Variants in ARHGEF28 observed in about 807,000 individuals in gnomAD.
ARHGEF28 encodes Rho guanine nucleotide exchange factor 28.
ARHGEF28 carries 152 observed loss-of-function variants against 206.6 expected under a neutral mutation model. The ratio of observed to expected loss-of-function variants is 0.74; its 90% confidence interval spans 0.64 to 0.84. The LOEUF (loss-of-function observed/expected upper bound fraction) is 0.84, where lower values mean the gene tolerates loss of function less well. Among genes scored for constraint, ARHGEF28 ranks in the 40% least tolerant of loss-of-function variants. The probability of loss-of-function intolerance (pLI) is 0.00; values close to 1 mark genes in which losing one functional copy is unlikely to be tolerated. For missense variants in ARHGEF28, 2,028 were observed against 2,073.2 expected (o/e 0.98, Z 0.42); for synonymous variants, 763 against 776.4 (o/e 0.98, Z 0.29).
chr5:73,664,498 T>C (rs1361759475), intron 1 of ARHGEF28, among the ~76,000 whole-genome samples: 1 of 152,136 alleles, frequency 6.6e-6, no homozygotes, highest in Non-Finnish European at 1.5e-5. Context: ...TCCTTATATG[T>C]AAAATGGGGA....
intron 1 of ARHGEF28, among the ~76,000 whole-genome samples, chr5:73,640,621 G>A (rs1196276878): frequency 6.6e-6 from 1 of 152,146 alleles, no homozygotes; most frequent in Non-Finnish European, 1.5e-5. Context: ...TTCTTACTTA[G>A]AGTCTCAAAA....
At chr5:73,653,558 T>C (rs1000687208) in intron 1 of ARHGEF28, among the ~76,000 whole-genome samples, 3 of 152,222 alleles carry the variant, frequency 2.0e-5, no homozygotes, top group Non-Finnish European at 4.4e-5. Flanking sequence ...GTCTCTCGTC[T>C]CAGCTTCTGC....
chr5:73,807,732 C>T (rs1561418783), intron 9 of ARHGEF28, among the ~76,000 whole-genome samples: 3 of 151,990 alleles, frequency 2.0e-5, no homozygotes, highest in South Asian at 2.1e-4. Flanking sequence ...GCAATCCACC[C>T]GCCTCAGCCT....
chr5:73,930,211 A>G (rs538251570), intron 35 of ARHGEF28, among the ~76,000 whole-genome samples: 1 of 152,206 alleles, frequency 6.6e-6, no homozygotes, highest in South Asian at 2.1e-4. Flanking sequence ...CAATATAACT[A>G]TCAGCAGCAA....
At position 73,719,849 on chromosome 5, in the gene ARHGEF28, T is replaced by C. The variant is rs1373893365; in HGVS notation, c.34-29988T>C. 2.0e-5 allele frequency among the ~76,000 whole-genome samples: 3 copies of C among 152,234 alleles called. No homozygotes were observed. In the East Asian group the frequency reaches 5.8e-4, roughly 29 times the overall value. ...AGGCAAGCCCTCGGTTGTGCCACTA[T>C]AATGGATTACTAGTGTAATCGAGGC... On this transcript the variant is annotated intron_variant, in intron 2 of 35. Transcript: ENST00000513042.
At chr5:73,912,148 C>G (rs1762944438) in intron 35 of ARHGEF28, among the ~76,000 whole-genome samples, 1 of 152,014 alleles carries the variant, frequency 6.6e-6, no homozygotes, top group African/African-American at 2.4e-5. Flanking sequence ...AAGCATTTGC[C>G]AAGTATAAAT....
intron 29 of ARHGEF28, among the ~76,000 whole-genome samples, chr5:73,895,170 A>G (rs1211190457): frequency 1.3e-5 from 2 of 152,102 alleles, no homozygotes; most frequent in African/African-American, 4.8e-5. Context: ...TGTGGTTTGA[A>G]AGGTACCTCC....
chr5:73,653,278 A>G (rs1237090858), intron 1 of ARHGEF28, among the ~76,000 whole-genome samples: 2 of 152,226 alleles, frequency 1.3e-5, no homozygotes, highest in Non-Finnish European at 2.9e-5. Flanking sequence ...TTCAGGTTAC[A>G]TATACAAAAT....
chr5:73,704,361 AC>A (rs1748800169), intron 2 of ARHGEF28, among the ~76,000 whole-genome samples: 1 of 152,208 alleles, frequency 6.6e-6, no homozygotes, highest in African/African-American at 2.4e-5. Flanking sequence ...TGCAAACATG[AC>A]CAGTGCAGAG....
At chr5:73,823,011 A>G (rs892432900) in intron 9 of ARHGEF28, among the ~76,000 whole-genome samples, 1 of 152,208 alleles carries the variant, frequency 6.6e-6, no homozygotes, top group African/African-American at 2.4e-5. Context: ...AGGACTTTCT[A>G]TAAACTTCAG....
chr5:73,780,605 TTTG>T, intron 6 of ARHGEF28, 68 bp from the exon 7 acceptor site: 1 of 1,458,210 alleles, frequency 6.9e-7, no homozygotes, highest in Non-Finnish European at 9.3e-7. Flanking sequence ...CTTTTGCCTC[TTTG>T]TTGTATATCT....
At chr5:73,684,910 G>A (rs775205434) in intron 2 of ARHGEF28, 26 bp downstream of exon 2, 3 of 1,609,706 alleles carry the variant, frequency 1.9e-6, no homozygotes, top group Middle Eastern at 1.7e-4. Context: ...CGGGGCTTCA[G>A]GTCCAAGGGG....
chr5:73,927,712 T>C (rs1260680882), intron 35 of ARHGEF28, among the ~76,000 whole-genome samples: 1 of 152,244 alleles, frequency 6.6e-6, no homozygotes, highest in African/African-American at 2.4e-5. Context: ...ATTTTTCTTC[T>C]GTTTTACAAA....
rs1762779166 is a variant in ARHGEF28 at position 73,909,818 on chromosome 5, C to T, written c.4568C>T (p.Ala1523Val). ...LVEREQARMR[A>V]QQSLLGHWKH... ...GAGAGGGAGCAGGCGAGGATGCGGG[C>T]CCAGCAGAGCCTGCTGGGCCACTGG... Residue 1523 changes from alanine to valine, a missense_variant, in exon 34 of 36, where the codon GCC (alanine) becomes GTC (valine). Physicochemically the swap from Ala to Val is moderately conservative, Grantham distance 64. This residue lies in a region of ARHGEF28 where 803 missense variants were observed against 768.0 expected (regional missense o/e 1.05). Coordinates refer to ENST00000513042, the MANE Select transcript of ARHGEF28 (RefSeq NM_001177693.2). The T allele has an allele frequency of 6.5e-7, 1 of 1,538,046 alleles. No individual in the cohort carries two copies. Among genetic ancestry groups the T allele is most frequent in the South Asian group, 1.2e-5 (1 of 80,846 alleles).
intron 9 of ARHGEF28, among the ~76,000 whole-genome samples, chr5:73,802,992 C>T (rs1040615247): frequency 6.6e-6 from 1 of 150,580 alleles, no homozygotes; most frequent in African/African-American, 2.5e-5. Flanking sequence ...AATTAAGATT[C>T]TGGTTAGCTT....
intron 30 of ARHGEF28, 144 bp downstream of exon 30, chr5:73,898,237 T>A: frequency 2.0e-6 from 2 of 986,228 alleles, no homozygotes; most frequent in Non-Finnish European, 2.9e-6. Flanking sequence ...TGAGAATAAA[T>A]ATGCTAGCCT....
At chr5:73,888,374 C>T (rs768201285) in intron 26 of ARHGEF28, among the ~76,000 whole-genome samples, 5 of 152,186 alleles carry the variant, frequency 3.3e-5, no homozygotes, top group Admixed American at 6.5e-5. Context: ...TCAATTTGAA[C>T]TGTATTACAA....
At chr5:73,708,114 A>T (rs6882528) in intron 2 of ARHGEF28, among the ~76,000 whole-genome samples, 43 of 151,794 alleles carry the variant, frequency 2.8e-4, no homozygotes, top group African/African-American at 9.9e-4. Context: ...ATATAGATTT[A>T]CCAACTAGAT....
At chr5:73,730,534 A>ATTTTTT (rs968990208) in intron 2 of ARHGEF28, among the ~76,000 whole-genome samples, 1 of 117,418 alleles carries the variant, frequency 8.5e-6, no homozygotes, top group African/African-American at 3.5e-5. Context: ...CATAAGGAGG[A>ATTTTTT]TTTTTTTTTT....
Sources: gnomAD v4.1 joint callset for allele counts (sites outside exome capture counted in the v4.1 genomes callset) on GRCh38, gnomAD v4.1.1 for gene constraint, gnomAD v4.1.1 regional missense constraint, MANE v1.5 for transcripts, NCBI Gene and HGNC (gene_info 2026-07-23, HGNC 2026-07-21) for gene names.